Variants in NECAB1 observed in about 807,000 individuals in gnomAD.
NECAB1 encodes N-terminal EF-hand calcium binding protein 1, also known as N-terminal EF-hand calcium-binding protein 1.
In NECAB1, 29 loss-of-function variants were observed where a neutral mutation model predicts 57.5. That is an observed-to-expected ratio of 0.50 (90% CI 0.38 to 0.69). The LOEUF (loss-of-function observed/expected upper bound fraction) is 0.69, where lower values mean the gene tolerates loss of function less well. Ranked by LOEUF, NECAB1 falls within the 30% of genes least tolerant of loss-of-function variation. NECAB1 has a pLI of 0.00. For missense variants in NECAB1, 372 were observed against 413.8 expected (o/e 0.90, Z 0.88); for synonymous variants, 142 against 147.7 (o/e 0.96, Z 0.28).
intron 2 of NECAB1, among the ~76,000 whole-genome samples, chr8:90,817,442 T>G (rs961348600): frequency 7.6e-5 from 11 of 144,626 alleles, no homozygotes; most frequent in African/African-American, 2.7e-4. Flanking sequence ...TTAAGTATGA[T>G]GTCAGCTATA....
Position 90,958,142 on chromosome 8 carries a change from T to C in NECAB1, c.*2630T>C, listed in dbSNP as rs913102769. ...GAGTGACAAATTGCAGGAGATTTAA[T>C]GTATAAAATTTCTAGGAATTAAAAG... is the stretch of plus-strand genomic sequence containing the variant. On this transcript the variant is annotated 3_prime_UTR_variant, in exon 13 of 13. Transcript: ENST00000417640. 9.3e-5 allele frequency: 14 copies of C among 151,066 alleles called. No homozygotes were observed. The highest frequency in any genetic ancestry group is 1.8e-4 in the Non-Finnish European group (12 of 67,492). The allele number at this position is 151,066 out of a possible 1,614,324, so 9.4% of individuals were successfully genotyped here.
chr8:90,803,559 A>G (rs960081926), intron 2 of NECAB1, among the ~76,000 whole-genome samples: 2 of 152,204 alleles, frequency 1.3e-5, no homozygotes, highest in African/African-American at 2.4e-5. Flanking sequence ...TCAATGGCTT[A>G]TGATAACCTC....
At chr8:90,953,833 C>G (rs902568563) in intron 12 of NECAB1, among the ~76,000 whole-genome samples, 1 of 151,992 alleles carries the variant, frequency 6.6e-6, no homozygotes, top group African/African-American at 2.4e-5. Flanking sequence ...CTTTGGGAGG[C>G]GAAGGTGGGC....
At chr8:90,912,019 C>T (rs930205797) in intron 5 of NECAB1, among the ~76,000 whole-genome samples, 3 of 152,108 alleles carry the variant, frequency 2.0e-5, no homozygotes, top group African/African-American at 7.2e-5. Flanking sequence ...TGTCAAGTGG[C>T]ATAAACACAG....
chr8:90,851,980 C>T (rs945063750), intron 3 of NECAB1, among the ~76,000 whole-genome samples: 1 of 151,666 alleles, frequency 6.6e-6, no homozygotes, highest in Non-Finnish European at 1.5e-5. Context: ...TTCTTTACTT[C>T]CCCAGTACAC....
intron 2 of NECAB1, among the ~76,000 whole-genome samples, chr8:90,803,080 AGTGACAGTG>A (rs1196411516): frequency 1.3e-5 from 2 of 152,088 alleles, no homozygotes; most frequent in Admixed American, 6.5e-5. Context: ...TATTTTTAGT[AGTGACAGTG>A]TTTCACCATG....
chr8:90,902,850 C>T (rs1484230247), intron 5 of NECAB1, among the ~76,000 whole-genome samples: 1 of 151,766 alleles, frequency 6.6e-6, no homozygotes, highest in Non-Finnish European at 1.5e-5. Flanking sequence ...ATTATTCTAC[C>T]TAGTAATTTC....
intron 2 of NECAB1, among the ~76,000 whole-genome samples, chr8:90,805,151 G>A (rs1811826714): frequency 6.6e-6 from 1 of 152,126 alleles, no homozygotes; most frequent in Non-Finnish European, 1.5e-5. Context: ...AAAGGATAGT[G>A]GATAATCTAA....
rs537311883 is a variant in NECAB1 at position 90,880,962 on chromosome 8, T to C, written c.260-71T>C. On this transcript the variant is annotated intron_variant, in intron 4 of 12. Transcript: ENST00000417640. Reference sequence around the variant, plus strand: ...TTTTACTCATTTAAGGAGTAAATAATTAGTTGATTTTTTTGTTTTATGGTT... The same window carrying C: ...TTTTACTCATTTAAGGAGTAAATAACTAGTTGATTTTTTTGTTTTATGGTT... The C allele has an allele frequency of 4.3e-4, 467 of 1,083,966 alleles. 3 individuals are homozygous for C. In the African/African-American group the frequency reaches 6.5e-3, roughly 15 times the overall value. The allele number at this position is 1,083,966 out of a possible 1,614,324, so 67.1% of individuals were successfully genotyped here.
rs1554575442 is a variant in NECAB1, at chr8:90,917,870, A to ATGTGTGTG, written c.494+247_494+254dup. On this transcript the variant is annotated intron_variant, in intron 6 of 12. Transcript: ENST00000417640. Reference sequence around the variant, plus strand: ...TATATATATATATATATATATATATATGTGTGTGTGTGCGTGTATATATAT... The same window carrying ATGTGTGTG: ...TATATATATATATATATATATATATATGTGTGTGTGTGTGTGTGTGCGTGTATATATAT... 1.8e-3 allele frequency among the ~76,000 whole-genome samples: 118 copies of ATGTGTGTG among 64,248 alleles called. 1 individual carries two copies. The highest frequency in any genetic ancestry group is 0.015 in the East Asian group (13 of 864). 42.1% of individuals were successfully genotyped at this position (64,248 alleles called of 152,430 possible).
At chr8:90,920,031 T>C (rs1810064465) in intron 6 of NECAB1, among the ~76,000 whole-genome samples, 1 of 152,204 alleles carries the variant, frequency 6.6e-6, no homozygotes, top group South Asian at 2.1e-4. Context: ...CTGTGCTTAA[T>C]GAGAAGGAGC....
At chr8:90,938,987 C>A (rs2677580) in intron 9 of NECAB1, among the ~76,000 whole-genome samples, 40,245 of 152,014 alleles carry the variant, frequency 0.26, 6,311 homozygotes, top group East Asian at 0.6. Flanking sequence ...TCTAGGAGCT[C>A]AAGTGTGCTC....
chr8:90,804,722 T>G (rs1811819206), intron 2 of NECAB1, among the ~76,000 whole-genome samples: 1 of 152,168 alleles, frequency 6.6e-6, no homozygotes, highest in Non-Finnish European at 1.5e-5. Context: ...CTCTGTCCAC[T>G]TTTCCCCCTG....
intron 3 of NECAB1, among the ~76,000 whole-genome samples, chr8:90,853,774 C>T (rs1812735319): frequency 6.6e-6 from 1 of 152,150 alleles, no homozygotes; most frequent in African/African-American, 2.4e-5. Flanking sequence ...GAAAGCCAGT[C>T]ATTGAGACGA....
rs527840912 is a variant in NECAB1 at position 90,798,003 on chromosome 8, G to A, written c.100-3688G>A. On this transcript the variant is annotated intron_variant, in intron 1 of 12. Coordinates refer to ENST00000417640, the MANE Select transcript of NECAB1 (RefSeq NM_022351.5). ...CCACAGTTCTGGAGGTGAGAAGGGC[G>A]AAATCAAGCTGCTAGCAGGATGATG... Among the ~76,000 whole-genome samples the A allele has an allele frequency of 7.3e-4, 111 of 152,224 alleles. 2 individuals carry two copies. In the East Asian group the frequency reaches 0.015, roughly 21 times the overall value.
At chr8:90,848,597 C>G (rs543475582) in intron 3 of NECAB1, among the ~76,000 whole-genome samples, 2 of 152,274 alleles carry the variant, frequency 1.3e-5, no homozygotes, top group East Asian at 3.9e-4. Context: ...GTTAGGGAGG[C>G]CTCACAATCA....
At chr8:90,820,901 A>G (rs192990309) in intron 2 of NECAB1, among the ~76,000 whole-genome samples, 21 of 152,034 alleles carry the variant, frequency 1.4e-4, no homozygotes, top group East Asian at 5.8e-4. Flanking sequence ...AACTCTTACT[A>G]TGTGCTAGGT....
At chr8:90,921,856 A>G (rs1810122143) in intron 6 of NECAB1, among the ~76,000 whole-genome samples, 1 of 152,242 alleles carries the variant, frequency 6.6e-6, no homozygotes, top group Admixed American at 6.5e-5. Context: ...TCCATCTATC[A>G]GCCCCGGGGA....
intron 5 of NECAB1, among the ~76,000 whole-genome samples, chr8:90,890,956 C>T (rs936599037): frequency 6.6e-6 from 1 of 152,164 alleles, no homozygotes; most frequent in Non-Finnish European, 1.5e-5. Context: ...AGGAAAGCAT[C>T]GCTTTGTCCA....
Sources: gnomAD v4.1 joint callset for allele counts (sites outside exome capture counted in the v4.1 genomes callset) on GRCh38, gnomAD v4.1.1 for gene constraint, MANE v1.5 for transcripts, NCBI Gene and HGNC (gene_info 2026-07-23, HGNC 2026-07-21) for gene names.